The following SLCO1A2 variants were observed in gnomAD, a reference collection of about 807,000 sequenced individuals.
The protein encoded by SLCO1A2 is OATP-1.
SLCO1A2 carries 67 observed loss-of-function variants against 69.0 expected under a neutral mutation model. The ratio of observed to expected loss-of-function variants is 0.97; its 90% CI spans 0.80 to 1.19. The LOEUF (loss-of-function observed/expected upper bound fraction) is 1.19. Ranked by LOEUF, SLCO1A2 falls within the 50% of genes most tolerant of loss-of-function variation. SLCO1A2 has a pLI of 0.00. For synonymous variants in SLCO1A2, 260 were observed against 265.9 expected (o/e 0.98, Z 0.22); for missense variants, 787 against 793.7 (o/e 0.99, Z 0.10).
chr12:21,394,507 A>G (rs1157455902), intron 1 of SLCO1A2, among the ~76,000 whole-genome samples: 1 of 149,776 alleles, frequency 6.7e-6, no homozygotes, highest in Admixed American at 6.7e-5. Flanking sequence ...GTACCACCAC[A>G]CTCCAGCCTG....
intron 4 of SLCO1A2, among the ~76,000 whole-genome samples, chr12:21,308,442 G>A (rs1949702023): frequency 6.6e-6 from 1 of 152,172 alleles, no homozygotes; most frequent in African/African-American, 2.4e-5. Flanking sequence ...ATGCAAAAGT[G>A]AGTATGATCC....
At chr12:21,360,763 C>T (rs112015063) in intron 2 of SLCO1A2, among the ~76,000 whole-genome samples, 155 of 152,326 alleles carry the variant, frequency 1.0e-3, no homozygotes, top group African/African-American at 3.5e-3. Context: ...TTGGAGGCTC[C>T]CACACCCACG....
chr12:21,266,089 G>A lies in SLCO1A2; in HGVS notation c.*3459C>T, dbSNP rs1245163937. On this transcript the variant is annotated 3_prime_UTR_variant, in exon 15 of 15. Coordinates refer to ENST00000683939, the MANE Select transcript of SLCO1A2 (RefSeq NM_001386879.1). The stretch of plus-strand genomic sequence containing the variant: ...AAATTATTTACATTCTGAAAATGGG[G>A]ATGCATGAGAGGACCCACAAAGAGG... 2 of 152,114 alleles carry A rather than the reference G, an allele frequency of 1.3e-5. No individual in the cohort carries two copies. The highest frequency in any genetic ancestry group is 2.4e-5 in the African/African-American group (1 of 41,436). 9.4% of individuals were successfully genotyped at this position (152,114 alleles called of 1,614,324 possible). A position where few individuals can be genotyped will look rare whatever the true frequency, so the allele number is the denominator to read the frequency against.
intron 2 of SLCO1A2, chr12:21,354,809 C>T (rs1938233272): frequency 1.3e-5 from 2 of 152,116 alleles, no homozygotes; most frequent in African/African-American, 4.8e-5. Context: ...ACTCATATCT[C>T]CCAATAAGTC....
At chr12:21,348,959 C>A (rs1937714897) in intron 2 of SLCO1A2, among the ~76,000 whole-genome samples, 1 of 152,082 alleles carries the variant, frequency 6.6e-6, no homozygotes, top group Non-Finnish European at 1.5e-5. Context: ...CCAGTCACAA[C>A]AAATGTACTA....
chr12:21,330,338 A>C (rs1244109497), intron 2 of SLCO1A2, among the ~76,000 whole-genome samples: 1 of 151,386 alleles, frequency 6.6e-6, no homozygotes, highest in Admixed American at 6.6e-5. Context: ...TAAATAATAC[A>C]AAATAAATAA....
At chr12:21,286,183 A>G (rs1945752399) in intron 12 of SLCO1A2, among the ~76,000 whole-genome samples, 2 of 139,850 alleles carry the variant, frequency 1.4e-5, no homozygotes, top group Admixed American at 1.5e-4. Flanking sequence ...AAATCAATGT[A>G]CAAAAATCAC....
At chr12:21,391,389 A>G (rs928072640) in intron 1 of SLCO1A2, among the ~76,000 whole-genome samples, 4 of 152,182 alleles carry the variant, frequency 2.6e-5, no homozygotes, top group Admixed American at 2.0e-4. Context: ...TCTGTTAGTT[A>G]AATGGCAAAA....
At chr12:21,305,716 A>G (rs1407837487) in intron 5 of SLCO1A2, among the ~76,000 whole-genome samples, 3 of 152,238 alleles carry the variant, frequency 2.0e-5, no homozygotes, top group Admixed American at 6.5e-5. Context: ...ACAGGCCACT[A>G]TTAATGTCAT....
At chr12:21,277,420 A>G (rs917022383) in intron 12 of SLCO1A2, among the ~76,000 whole-genome samples, 2 of 152,146 alleles carry the variant, frequency 1.3e-5, no homozygotes, top group African/African-American at 4.8e-5. Flanking sequence ...TATGGGCCCC[A>G]GGTGAGACTC....
At chr12:21,279,767 C>G (rs368712307) in intron 12 of SLCO1A2, among the ~76,000 whole-genome samples, 2 of 152,108 alleles carry the variant, frequency 1.3e-5, no homozygotes, top group East Asian at 1.9e-4. Flanking sequence ...GTACAAAGAT[C>G]ACTGGAAATA....
chr12:21,404,813 G>GT (rs1366552821), intron 1 of SLCO1A2, among the ~76,000 whole-genome samples: 3 of 152,002 alleles, frequency 2.0e-5, no homozygotes, highest in African/African-American at 7.2e-5. Context: ...AATTATCACC[G>GT]TGTCTTCTAC....
At chr12:21,286,743 AAAAC>A (rs1945878272) in intron 12 of SLCO1A2, among the ~76,000 whole-genome samples, 1 of 87,200 alleles carries the variant, frequency 1.1e-5, no homozygotes, top group Non-Finnish European at 2.1e-5. Context: ...AAACCTGAGA[AAAAC>A]AAGCAATGGG....
upstream of SLCO1A2, among the ~76,000 whole-genome samples, chr12:21,418,458 A>T (rs567127214): frequency 2.0e-5 from 3 of 152,300 alleles, no homozygotes; most frequent in East Asian, 5.8e-4. Context: ...GGTAGGTTAT[A>T]AAGAAAAAGA....
chr12:21,299,791 C>CGTGTGTATATATATATATATATATATAT (rs1565482249), intron 8 of SLCO1A2, among the ~76,000 whole-genome samples: 1 of 127,330 alleles, frequency 7.9e-6, no homozygotes, highest in Non-Finnish European at 1.7e-5. Flanking sequence ...TATATATATA[C>CGTGTGTATATATATATATATATATATAT]ACACACACGT....
At chr12:21,320,600 G>A (rs746328378) in intron 2 of SLCO1A2, among the ~76,000 whole-genome samples, 36 of 152,092 alleles carry the variant, frequency 2.4e-4, no homozygotes, top group Non-Finnish European at 5.0e-4. Context: ...CTGGGTTCAA[G>A]CAATTTTCCC....
At chr12:21,281,124 T>A (rs1023330065) in intron 12 of SLCO1A2, among the ~76,000 whole-genome samples, 1 of 152,088 alleles carries the variant, frequency 6.6e-6, no homozygotes. Flanking sequence ...TAACTATAAA[T>A]GCCTACATCA....
intron 1 of SLCO1A2, among the ~76,000 whole-genome samples, chr12:21,382,808 A>AG (rs1940672138): frequency 6.6e-6 from 1 of 151,654 alleles, no homozygotes; most frequent in Non-Finnish European, 1.5e-5. Context: ...AAAAAAAAAA[A>AG]AGAAAGAAAA....
Position 21,387,796 on chromosome 12 carries a change from T to A in SLCO1A2, c.-190+7110A>T, listed in dbSNP as rs1438227984. Among the ~76,000 whole-genome samples, 3 of 151,980 alleles carry A rather than the reference T, an allele frequency of 2.0e-5. No homozygotes were observed. The East Asian group carries it at 5.8e-4, about 30-fold the overall frequency. On this transcript the variant is annotated intron_variant, in intron 1 of 15. Coordinates refer to the SLCO1A2 transcript ENST00000307378. ...GTCCTCCAGACCCCAGAATGGTAGA[T>A]CCACCGACAGCTTGCACCGTGCACC...
Sources: allele counts gnomAD v4.1 joint callset (sites outside exome capture counted in the v4.1 genomes callset), GRCh38; gene constraint gnomAD v4.1.1; transcripts MANE v1.5; gene names NCBI Gene and HGNC (gene_info 2026-07-23, HGNC 2026-07-21).